C6orf89: variants seen among roughly 807,000 people sequenced by gnomAD.
C6orf89 encodes the protein bombesin receptor-activated protein C6orf89.
In C6orf89, 29 loss-of-function variants were observed where a neutral mutation model predicts 40.7. The ratio of observed to expected loss-of-function variants is 0.71; its 90% confidence interval spans 0.53 to 0.97. The LOEUF (loss-of-function observed/expected upper bound fraction) is 0.97. Among genes scored for constraint, C6orf89 ranks in the 50% least tolerant of loss-of-function variants. The pLI is 0.00. For synonymous variants in C6orf89, 165 were observed against 152.2 expected (o/e 1.08, Z -0.62); for missense variants, 392 against 429.1 (o/e 0.91, Z 0.76).
intron 7 of C6orf89, among the ~76,000 whole-genome samples, chr6:36,917,749 G>A (rs1229126296): frequency 1.3e-5 from 2 of 152,152 alleles, no homozygotes; most frequent in South Asian, 2.1e-4. Flanking sequence ...TGCTGTCGCC[G>A]GCTGGAATTC....
At chr6:36,894,246 A>G (rs764805668) in intron 1 of C6orf89, among the ~76,000 whole-genome samples, 2 of 152,094 alleles carry the variant, frequency 1.3e-5, no homozygotes, top group Non-Finnish European at 2.9e-5. Context: ...CAGCATCCAC[A>G]CTAGTTTTTC....
chr6:36,900,645 A>C (rs1344904170), intron 3 of C6orf89, among the ~76,000 whole-genome samples: 1 of 151,910 alleles, frequency 6.6e-6, no homozygotes, highest in East Asian at 1.9e-4. Context: ...GACCACAGGC[A>C]TGTGCCACCA....
chr6:36,898,369 T>G (rs1481154344), intron 2 of C6orf89, among the ~76,000 whole-genome samples: 1 of 150,386 alleles, frequency 6.6e-6, no homozygotes, highest in African/African-American at 2.5e-5. Flanking sequence ...AACCTCTGCC[T>G]CCCGAGTTCA....
At chr6:36,907,837 T>C (rs529611383) in intron 4 of C6orf89, among the ~76,000 whole-genome samples, 1 of 152,282 alleles carries the variant, frequency 6.6e-6, no homozygotes, top group African/African-American at 2.4e-5. Context: ...TGCAGCATAT[T>C]AGGTAGTCAA....
At chr6:36,918,715 T>C (rs1276227770) in intron 7 of C6orf89, among the ~76,000 whole-genome samples, 2 of 152,206 alleles carry the variant, frequency 1.3e-5, no homozygotes, top group African/African-American at 4.8e-5. Context: ...AGGGGTTTTC[T>C]GTCATCATCA....
chr6:36,924,633 G>A lies in C6orf89; in HGVS notation c.*1192G>A, dbSNP rs971208622. The A allele has an allele frequency of 6.6e-6, 1 of 152,114 alleles. No individual in the cohort carries two copies. Among genetic ancestry groups the A allele is most frequent in the African/African-American group, 2.4e-5 (1 of 41,410 alleles). The allele number at this position is 152,114 out of a possible 1,614,324, so 9.4% of individuals were successfully genotyped here. A position where few individuals can be genotyped will look rare whatever the true frequency, so the allele number is the denominator to read the frequency against. ...GCAATCAAATGGTGTAAATAAGGAT[G>A]TTCTTTTCCTGTTCCTTTTATTTTT... is the stretch of plus-strand genomic sequence containing the variant. On this transcript the variant is annotated 3_prime_UTR_variant, in exon 9 of 9. Transcript: ENST00000480824.
upstream of C6orf89, among the ~76,000 whole-genome samples, chr6:36,882,711 T>C (rs944033518): frequency 1.4e-4 from 16 of 114,054 alleles, no homozygotes; most frequent in African/African-American, 4.6e-4. Context: ...AATTGTCATT[T>C]TCTTTTTTTT....
rs1171787900 is a variant in C6orf89 at position 36,902,224 on chromosome 6, C to T, written c.193C>T (p.Leu65Phe). ...YPLLIVVYKV[L>F]ATLGLILLTA... ...CCTTTTCTATCTTTCCTTGTAGGTT[C>T]TCGCAACCTTGGGATTAATCTTGCT... The change falls in exon 4 of 9, where the codon CTC becomes TTC. Residue 65 changes from leucine to phenylalanine, a missense_variant. Transcript: ENST00000480824. 21 of 1,613,850 alleles carry T rather than the reference C, an allele frequency of 1.3e-5. No homozygotes were observed. The highest frequency in any genetic ancestry group is 1.8e-5 in the Non-Finnish European group (21 of 1,179,918).
chr6:36,880,237 T>C (rs1368497993), intron 2 of C6orf89, among the ~76,000 whole-genome samples: 1 of 152,158 alleles, frequency 6.6e-6, no homozygotes, highest in East Asian at 1.9e-4. Flanking sequence ...TCAGGTTAAT[T>C]AAAAAATGAA....
intron 4 of C6orf89, among the ~76,000 whole-genome samples, chr6:36,905,215 C>T (rs967322558): frequency 2.0e-5 from 3 of 152,164 alleles, no homozygotes; most frequent in Admixed American, 6.5e-5. Context: ...GATGAGGACA[C>T]TGAGGCACAG....
At chr6:36,872,840 G>A (rs1460775186) in intron 1 of C6orf89, among the ~76,000 whole-genome samples, 2 of 152,102 alleles carry the variant, frequency 1.3e-5, no homozygotes, top group Non-Finnish European at 2.9e-5. Context: ...GAACTCCTGG[G>A]CTCAAGCAAT....
intron 8 of C6orf89, among the ~76,000 whole-genome samples, chr6:36,922,698 G>A (rs1296902777): frequency 6.6e-6 from 1 of 152,200 alleles, no homozygotes; most frequent in Non-Finnish European, 1.5e-5. Context: ...ATTTTCTTTG[G>A]AATATCTTAC....
Position 36,914,355 on chromosome 6 carries a change from T to C in C6orf89, c.475T>C (p.Cys159Arg). The C allele has an allele frequency of 6.2e-7, 1 of 1,614,184 alleles. No individual in the cohort carries two copies. Among genetic ancestry groups the C allele is most frequent in the Non-Finnish European group, 8.5e-7 (1 of 1,180,014 alleles). ...GCCCATTCCTGCCAACTGCACTGGC[T>C]GTGCCCAGAAACACCTGAAGGTGAT... ...SEPIPANCTG[C>R]AQKHLKVMLL... is the part of the protein sequence containing the mutation. The change falls in exon 5 of 9, where the codon TGT becomes CGT. Residue 159 changes from cysteine (C) to arginine (R), a missense_variant. Physicochemically the swap from Cys to Arg is radical, Grantham distance 180. Transcript: ENST00000480824.
chr6:36,872,963 G>A lies in C6orf89; in HGVS notation c.-628+996G>A, dbSNP rs1240366351. ...GTCTGGATACCCAGTGCCTTGCACAGTGTAAACACTCTATAAGTATATGAG... is the reference window on the plus strand; with the variant it reads ...GTCTGGATACCCAGTGCCTTGCACAATGTAAACACTCTATAAGTATATGAG... On this transcript the variant is annotated intron_variant, in intron 1 of 9. Coordinates refer to the C6orf89 transcript ENST00000359359. Among the ~76,000 whole-genome samples the A allele has an allele frequency of 2.0e-5, 3 of 152,202 alleles. 1 individual carries two copies. The highest frequency in any genetic ancestry group is 6.3e-3 in the Middle Eastern group (2 of 316).
chr6:36,898,943 C>T (rs1761554534), intron 2 of C6orf89, among the ~76,000 whole-genome samples: 3 of 152,178 alleles, frequency 2.0e-5, no homozygotes. Context: ...GCCTGTTGCT[C>T]TCAGTAAATC....
rs756593420 is a variant in C6orf89 at position 36,923,488 on chromosome 6, T to C, written c.*47T>C. 1 of 1,445,616 alleles carries C rather than the reference T, an allele frequency of 6.9e-7. No individual in the cohort carries two copies. The highest frequency in any genetic ancestry group is 9.7e-7 in the Non-Finnish European group (1 of 1,027,372). The allele number at this position is 1,445,616 out of a possible 1,614,324, so 89.5% of individuals were successfully genotyped here. A position where few individuals can be genotyped will look rare whatever the true frequency, so the allele number is the denominator to read the frequency against. On this transcript the variant is annotated 3_prime_UTR_variant, in exon 9 of 9. Coordinates refer to ENST00000480824, the MANE Select transcript of C6orf89 (RefSeq NM_001286635.2). ...ACAGCTTCCAGAGCCGAAAACCAGG[T>C]TGAAAGGGGAAAAATAAAAACAAAA...
intron 3 of C6orf89, among the ~76,000 whole-genome samples, chr6:36,901,007 C>T (rs1026430648): frequency 2.6e-5 from 4 of 151,716 alleles, no homozygotes; most frequent in Non-Finnish European, 5.9e-5. Context: ...CAACCATGCC[C>T]GGCTAATTTT....
intron 8 of C6orf89, among the ~76,000 whole-genome samples, chr6:36,920,271 G>T (rs1762468584): frequency 6.6e-6 from 1 of 152,208 alleles, no homozygotes; most frequent in South Asian, 2.1e-4. Context: ...CTGGCTCAGT[G>T]TTTGCCCAAA....
intron 7 of C6orf89, among the ~76,000 whole-genome samples, chr6:36,918,865 C>G (rs183108985): frequency 5.7e-4 from 87 of 152,360 alleles, no homozygotes; most frequent in African/African-American, 2.0e-3. Flanking sequence ...CTGGCAGTAT[C>G]ATGCCCTCAG....
Sources: allele counts gnomAD v4.1 joint callset (sites outside exome capture counted in the v4.1 genomes callset), GRCh38; gene constraint gnomAD v4.1.1; transcripts MANE v1.5; gene names NCBI Gene and HGNC (gene_info 2026-07-23, HGNC 2026-07-21).